The following BCL11B variants were observed in gnomAD, a reference collection of about 807,000 sequenced individuals.
BCL11B encodes the protein BCL11 transcription factor B, also known as B-cell lymphoma/leukemia 11B.
In BCL11B, 8 loss-of-function variants were observed where a neutral mutation model predicts 49.9. That is an observed-to-expected ratio of 0.16 (90% CI 0.09 to 0.29). The LOEUF (loss-of-function observed/expected upper bound fraction) is 0.29, where lower values mean the gene tolerates loss of function less well. Ranked by LOEUF, BCL11B falls within the 10% of genes least tolerant of loss-of-function variation. The pLI, the probability that BCL11B is intolerant of heterozygous loss-of-function variation, is 1.00. For synonymous variants in BCL11B, 739 were observed against 637.4 expected (o/e 1.16, Z -2.40); for missense variants, 1,006 against 1,351.0 (o/e 0.74, Z 4.00).
chr14:99,200,120 T>A (rs1190232248), intron 3 of BCL11B, among the ~76,000 whole-genome samples: 13 of 151,870 alleles, frequency 8.6e-5, no homozygotes, highest in Non-Finnish European at 1.8e-4. Context: ...TTTTTTTTTT[T>A]AAACAGTCTT....
chr14:99,176,326 G>C (rs1179651198), intron 3 of BCL11B, 131 bp from the exon 4 acceptor site: 24 of 819,368 alleles, frequency 2.9e-5, no homozygotes, highest in Non-Finnish European at 4.4e-5. Context: ...GCCTGACAGG[G>C]GCTGCAGGGC....
intron 3 of BCL11B, among the ~76,000 whole-genome samples, chr14:99,206,347 C>T (rs1333307542): frequency 1.3e-5 from 2 of 152,194 alleles, no homozygotes; most frequent in African/African-American, 2.4e-5. Context: ...TTCCCTGTTA[C>T]CCGTGGTTTC....
intron 3 of BCL11B, among the ~76,000 whole-genome samples, chr14:99,191,275 G>A (rs1183244507): frequency 1.3e-5 from 2 of 152,018 alleles, no homozygotes; most frequent in Admixed American, 6.6e-5. Flanking sequence ...GCACATCTAC[G>A]ATGCACAGGA....
chr14:99,206,311 T>C (rs1393507681), intron 3 of BCL11B, among the ~76,000 whole-genome samples: 2 of 152,352 alleles, frequency 1.3e-5, no homozygotes, highest in East Asian at 3.9e-4. Flanking sequence ...ACTCTTGCAC[T>C]ACAGTGGCAC....
chr14:99,244,800 G>A (rs1358505355), intron 2 of BCL11B, among the ~76,000 whole-genome samples: 2 of 152,182 alleles, frequency 1.3e-5, no homozygotes, highest in Non-Finnish European at 2.9e-5. Context: ...TACTCAAAAC[G>A]CCATGACGGT....
In BCL11B at chr14:99,241,984, C is replaced by A. The variant is rs1888683836; in HGVS notation, c.428-10427G>T. 6.6e-6 allele frequency among the ~76,000 whole-genome samples: 1 copy of A among 152,172 alleles called. No homozygotes were observed. The highest frequency in any genetic ancestry group is 2.4e-5 in the African/African-American group (1 of 41,428). On this transcript the variant is annotated intron_variant, in intron 2 of 3. Coordinates refer to ENST00000357195, the MANE Select transcript of BCL11B (RefSeq NM_138576.4). The surrounding 1 kb of genome is among the most constrained non-coding windows in gnomAD (Gnocchi z 4.4). The stretch of plus-strand genomic sequence containing the variant: ...ATTTATTTAGCTGTGTTTAACGTGT[C>A]TGTCCTCCACTCGACTACAAGCCCA...
At chr14:99,259,447 T>C (rs138700739) in intron 1 of BCL11B, among the ~76,000 whole-genome samples, 2 of 152,336 alleles carry the variant, frequency 1.3e-5, no homozygotes, top group African/African-American at 4.8e-5. Flanking sequence ...TATACGACGA[T>C]GTAAGACGTA....
chr14:99,223,618 A>C (rs1279144126), intron 3 of BCL11B, among the ~76,000 whole-genome samples: 6 of 152,236 alleles, frequency 3.9e-5, no homozygotes, highest in Non-Finnish European at 8.8e-5. Context: ...TTTCATGGAA[A>C]ACCCATTACT....
At position 99,217,385 on chromosome 14, in the gene BCL11B, GAC is replaced by G. The variant is rs112404818; in HGVS notation, c.640+13958_640+13959del. Among the ~76,000 whole-genome samples the G allele has an allele frequency of 9.6e-3, 1,255 of 131,036 alleles. 8 individuals carry two copies. Among genetic ancestry groups the G allele is most frequent in the Middle Eastern group, 0.023 (6 of 264 alleles). The allele number at this position is 131,036 out of a possible 152,430, so 86.0% of individuals were successfully genotyped here. A position where few individuals can be genotyped will look rare whatever the true frequency, so the allele number is the denominator to read the frequency against. ...GAGTACAAATATACACACACATACA[GAC>G]ACACACACACACACACACACACACA... On this transcript the variant is annotated intron_variant, in intron 3 of 3. Coordinates refer to ENST00000357195, the MANE Select transcript of BCL11B (RefSeq NM_138576.4).
At chr14:99,220,753 TA>T (rs1306032741) in intron 3 of BCL11B, among the ~76,000 whole-genome samples, 1 of 152,174 alleles carries the variant, frequency 6.6e-6, no homozygotes, top group African/African-American at 2.4e-5. Flanking sequence ...TTACCACAAT[TA>T]AAAAAACTCA....
rs138330272 is a variant in BCL11B at position 99,241,997 on chromosome 14, G to C, written c.428-10440C>G. Among the ~76,000 whole-genome samples, 2 of 152,102 alleles carry C rather than the reference G, an allele frequency of 1.3e-5. No individual in the cohort carries two copies. The highest frequency in any genetic ancestry group is 2.9e-5 in the Non-Finnish European group (2 of 68,026). On this transcript the variant is annotated intron_variant, in intron 2 of 3. Coordinates refer to ENST00000357195, the MANE Select transcript of BCL11B (RefSeq NM_138576.4). The surrounding 1 kb of genome is among the most constrained non-coding windows in gnomAD (Gnocchi z 4.4). The stretch of plus-strand genomic sequence containing the variant: ...TGTTTAACGTGTCTGTCCTCCACTC[G>C]ACTACAAGCCCACTTGGGTTTAAGG...
chr14:99,193,599 A>G lies in BCL11B; in HGVS notation c.641-17404T>C, dbSNP rs910939737. 3.9e-5 allele frequency among the ~76,000 whole-genome samples: 6 copies of G among 152,292 alleles called. No homozygotes were observed. In the South Asian group the frequency reaches 1.0e-3, roughly 26 times the overall value. ...TCCTCTTACCTCTTTTTTCTGGAGA[A>G]AGAAAAAAAAGTTTCCCTTCTAAAA... On this transcript the variant is annotated intron_variant, in intron 3 of 3. Transcript: ENST00000357195.
chr14:99,259,240 C>T (rs999701310), intron 1 of BCL11B, among the ~76,000 whole-genome samples: 2 of 152,154 alleles, frequency 1.3e-5, no homozygotes, highest in East Asian at 1.9e-4. Context: ...CACAGAGGAA[C>T]GGCGAGAAGG....
chr14:99,266,770 G>A (rs145019434), intron 1 of BCL11B, among the ~76,000 whole-genome samples: 1 of 152,308 alleles, frequency 6.6e-6, no homozygotes, highest in Non-Finnish European at 1.5e-5. Flanking sequence ...GCGGCTCGGC[G>A]TTTCAGCTTG....
rs1489873536 is a variant in BCL11B at position 99,172,309 on chromosome 14, T to A, written c.*1842A>T. Reference sequence around the variant, plus strand: ...CAAAAACAAAAGGGGCTGAGGATAATTCAGCTAATGGATGTCCAAGGTTGT... The same window carrying A: ...CAAAAACAAAAGGGGCTGAGGATAAATCAGCTAATGGATGTCCAAGGTTGT... On this transcript the variant is annotated 3_prime_UTR_variant, in exon 4 of 4. Coordinates refer to ENST00000357195, the MANE Select transcript of BCL11B (RefSeq NM_138576.4). 1.3e-5 allele frequency: 3 copies of A among 226,234 alleles called. No homozygotes were observed. Among genetic ancestry groups the A allele is most frequent in the Non-Finnish European group, 2.6e-5 (3 of 113,508 alleles). 14.0% of individuals were successfully genotyped at this position (226,234 alleles called of 1,614,324 possible). A position where few individuals can be genotyped will look rare whatever the true frequency, so the allele number is the denominator to read the frequency against.
rs925608607 is a variant in BCL11B, at chr14:99,192,656, G to C, written c.641-16461C>G. Among the ~76,000 whole-genome samples, 4 of 152,136 alleles carry C rather than the reference G, an allele frequency of 2.6e-5. No homozygotes were observed. The highest frequency in any genetic ancestry group is 1.3e-4 in the Admixed American group (2 of 15,280). Reference sequence around the variant, plus strand: ...CAACTTGGGAACCACACTGGGGCTGGGGCTGTGGGCCAGAAAGATCTGATT... The same window carrying C: ...CAACTTGGGAACCACACTGGGGCTGCGGCTGTGGGCCAGAAAGATCTGATT... On this transcript the variant is annotated intron_variant, in intron 3 of 3. Coordinates refer to ENST00000357195, the MANE Select transcript of BCL11B (RefSeq NM_138576.4). This position sits in a 1 kb window ranked among gnomAD's most constrained non-coding sequence, Gnocchi z 4.0.
intron 3 of BCL11B, among the ~76,000 whole-genome samples, chr14:99,218,061 G>GA: frequency 8.6e-6 from 1 of 116,928 alleles, no homozygotes; most frequent in Non-Finnish European, 1.8e-5. Flanking sequence ...ATCATTGCAG[G>GA]TTTTTTTTTT....
chr14:99,231,402 C>T lies in BCL11B; in HGVS notation c.583G>A (p.Gly195Arg), dbSNP rs760296292. Residue 195 changes from glycine (G) to arginine (R), a missense_variant, in exon 3 of 4, where the codon GGG becomes AGG. This residue lies in a region of BCL11B where 411 missense variants were observed against 542.2 expected (regional missense o/e 0.76). Transcript: ENST00000357195. The surrounding 1 kb of genome is among the most constrained non-coding windows in gnomAD (Gnocchi z 8.1). ...CCSARPVSGD[G>R]TQGEGQTEAP... The stretch of plus-strand genomic sequence containing the variant: ...TCCGTCTGACCCTCACCCTGAGTCC[C>T]GTCACCCGAGACCGGGCGCGCGCTG... 3.9e-5 allele frequency: 63 copies of T among 1,599,232 alleles called. No individual in the cohort carries two copies. The highest frequency in any genetic ancestry group is 2.4e-4 in the South Asian group (21 of 89,026).
chr14:99,204,550 C>T lies in BCL11B; in HGVS notation c.640+26795G>A, dbSNP rs559167794. The stretch of plus-strand genomic sequence containing the variant: ...GGGAGGTGGGTGGGGGACTCGCCAA[C>T]ACCCACTCCACCCCACATTGCTCCA... On this transcript the variant is annotated intron_variant, in intron 3 of 3. Coordinates refer to ENST00000357195, the MANE Select transcript of BCL11B (RefSeq NM_138576.4). Among the ~76,000 whole-genome samples the T allele has an allele frequency of 2.0e-5, 3 of 152,258 alleles. No homozygotes were observed. In the East Asian group the frequency reaches 5.8e-4, roughly 29 times the overall value.
Sources: allele counts gnomAD v4.1 joint callset (sites outside exome capture counted in the v4.1 genomes callset), GRCh38; gene constraint gnomAD v4.1.1; regional missense constraint gnomAD v4.1.1; non-coding constraint Gnocchi (gnomAD v3.1); transcripts MANE v1.5; gene names NCBI Gene and HGNC (gene_info 2026-07-23, HGNC 2026-07-21).